The following NKAIN2 variants were observed in gnomAD, a reference collection of about 807,000 sequenced individuals.
NKAIN2 encodes the protein sodium/potassium-transporting ATPase subunit beta-1-interacting protein 2.
NKAIN2 carries 14 observed loss-of-function variants against 32.6 expected under a neutral mutation model. The observed-to-expected ratio is 0.43, with a 90% CI of 0.28 to 0.67. NKAIN2 has a LOEUF of 0.67. Ranked by LOEUF, NKAIN2 falls within the 30% of genes least tolerant of loss-of-function variation. NKAIN2 has a pLI of 0.17. For missense variants in NKAIN2, 198 were observed against 258.3 expected (o/e 0.77, Z 1.60); for synonymous variants, 80 against 87.2 (o/e 0.92, Z 0.46).
intron 1 of NKAIN2, among the ~76,000 whole-genome samples, chr6:124,073,938 G>A (rs1783575396): frequency 2.6e-5 from 4 of 152,090 alleles, no homozygotes; most frequent in African/African-American, 9.7e-5. Context: ...TGTATTTGGG[G>A]TCTCTACGAA....
intron 1 of NKAIN2, among the ~76,000 whole-genome samples, chr6:124,235,293 A>C (rs867580322): frequency 6.1e-4 from 93 of 152,194 alleles, no homozygotes; most frequent in African/African-American, 2.1e-3. Context: ...TACCTTCCAA[A>C]AGCTTTACAA....
At chr6:123,929,531 T>C (rs1217118686) in intron 1 of NKAIN2, among the ~76,000 whole-genome samples, 1 of 152,154 alleles carries the variant, frequency 6.6e-6, no homozygotes, top group Non-Finnish European at 1.5e-5. Context: ...TCTAACTTTT[T>C]GCATGTTCAT....
chr6:123,934,237 G>A (rs1459609142), intron 1 of NKAIN2, among the ~76,000 whole-genome samples: 5 of 151,928 alleles, frequency 3.3e-5, no homozygotes, highest in African/African-American at 1.2e-4. Flanking sequence ...TCTACTTTGA[G>A]CCCTTGCCTA....
chr6:124,658,052 A>G, intron 3 of NKAIN2, 134 bp from the exon 4 acceptor site: 1 of 642,078 alleles, frequency 1.6e-6, no homozygotes, highest in Non-Finnish European at 2.6e-6. Flanking sequence ...TTCCTGTAAA[A>G]TACAGCATGG....
intron 3 of NKAIN2, among the ~76,000 whole-genome samples, chr6:124,475,436 A>G (rs1260485514): frequency 1.3e-5 from 2 of 152,198 alleles, no homozygotes; most frequent in Non-Finnish European, 2.9e-5. Context: ...AACAAAACCC[A>G]AAGATGGAAA....
intron 1 of NKAIN2, among the ~76,000 whole-genome samples, chr6:123,813,847 C>A (rs1456846399): frequency 6.7e-6 from 1 of 148,760 alleles, no homozygotes; most frequent in Non-Finnish European, 1.5e-5. Flanking sequence ...ATATAAAGAG[C>A]TCTGGACCTT....
intron 1 of NKAIN2, among the ~76,000 whole-genome samples, chr6:124,104,810 G>A (rs1198294488): frequency 1.3e-5 from 2 of 151,950 alleles, no homozygotes; most frequent in African/African-American, 4.8e-5. Context: ...AGCCACGGGA[G>A]GTCACTGGCA....
At chr6:123,892,827 G>C (rs766521454) in intron 1 of NKAIN2, among the ~76,000 whole-genome samples, 1 of 151,664 alleles carries the variant, frequency 6.6e-6, no homozygotes, top group East Asian at 2.0e-4. Context: ...ACCCCAATCT[G>C]TATTCTTGTT....
chr6:124,158,121 T>C (rs1034935244), intron 1 of NKAIN2, among the ~76,000 whole-genome samples: 3 of 152,188 alleles, frequency 2.0e-5, no homozygotes, highest in African/African-American at 4.8e-5. Context: ...AACAATTTAT[T>C]TTCTCACAGT....
intron 1 of NKAIN2, among the ~76,000 whole-genome samples, chr6:123,841,041 G>A (rs1170053122): frequency 1.3e-5 from 2 of 152,076 alleles, no homozygotes; most frequent in Non-Finnish European, 2.9e-5. Context: ...ATGCAATGTA[G>A]ATCTGATACA....
rs374695848 is a variant in NKAIN2 at position 124,401,545 on chromosome 6, G to A, written c.273+46198G>A. ...AAATACTTACTCCTTGACACTTCACGGAAAAAGTTTACCAACCTCTGCTCT... is the reference window on the plus strand; with the variant it reads ...AAATACTTACTCCTTGACACTTCACAGAAAAAGTTTACCAACCTCTGCTCT... On this transcript the variant is annotated intron_variant, in intron 3 of 6. Transcript: ENST00000368417. Among the ~76,000 whole-genome samples the A allele has an allele frequency of 3.9e-5, 6 of 152,196 alleles. No individual in the cohort carries two copies. The East Asian group carries it at 7.7e-4, about 20-fold the overall frequency.
chr6:124,243,064 G>A (rs909146404), intron 1 of NKAIN2, among the ~76,000 whole-genome samples: 1 of 151,362 alleles, frequency 6.6e-6, no homozygotes, highest in African/African-American at 2.4e-5. Context: ...CAAGGGCGGA[G>A]TAAAAGGAGA....
intron 1 of NKAIN2, among the ~76,000 whole-genome samples, chr6:124,138,642 T>A (rs952974258): frequency 2.5e-5 from 3 of 120,764 alleles, no homozygotes; most frequent in Non-Finnish European, 5.0e-5. Context: ...ATAGGATAAT[T>A]ATTATTAATA....
chr6:124,283,309 G>A, intron 2 of NKAIN2, 167 bp downstream of exon 2: 1 of 536,480 alleles, frequency 1.9e-6, no homozygotes, highest in Non-Finnish European at 3.3e-6. Flanking sequence ...AACAGTAATT[G>A]AAAATGTCAG....
At position 124,001,800 on chromosome 6, in the gene NKAIN2, AATATATATATATAT is replaced by A. The variant is rs10567719; in HGVS notation, c.54+197565_54+197578del. ...AGAAAAAGAAGTTCTCTTAGTTCTAAATATATATATATATATATATATATATATATATGCAAGCA... is the reference window on the plus strand; with the variant it reads ...AGAAAAAGAAGTTCTCTTAGTTCTAAATATATATATATATATATGCAAGCA... On this transcript the variant is annotated intron_variant, in intron 1 of 6. Transcript: ENST00000368417. Among the ~76,000 whole-genome samples the A allele has an allele frequency of 8.1e-5, 11 of 135,126 alleles. No individual in the cohort carries two copies. In the South Asian group the frequency reaches 9.7e-4, roughly 12 times the overall value. The allele number at this position is 135,126 out of a possible 152,430, so 88.6% of individuals were successfully genotyped here.
intron 1 of NKAIN2, among the ~76,000 whole-genome samples, chr6:123,843,465 C>A (rs1186115835): frequency 6.6e-6 from 1 of 152,082 alleles, no homozygotes; most frequent in Admixed American, 6.5e-5. Flanking sequence ...CCACTCTGCC[C>A]CTTTGCCAGG....
At chr6:124,484,837 G>C (rs1325879797) in intron 3 of NKAIN2, among the ~76,000 whole-genome samples, 1 of 152,074 alleles carries the variant, frequency 6.6e-6, no homozygotes, top group Non-Finnish European at 1.5e-5. Flanking sequence ...ATGTGTGTAT[G>C]TCCTGTTGGG....
At chr6:124,766,040 T>C (rs1778500532) in intron 4 of NKAIN2, among the ~76,000 whole-genome samples, 1 of 152,222 alleles carries the variant, frequency 6.6e-6, no homozygotes, top group Admixed American at 6.5e-5. Context: ...TCTACACTTC[T>C]CCTTGGCTTT....
intron 1 of NKAIN2, among the ~76,000 whole-genome samples, chr6:123,911,811 A>ATATGTGTATATATATATATATG (rs1562253493): frequency 2.1e-5 from 2 of 96,644 alleles, no homozygotes; most frequent in African/African-American, 1.1e-4. Context: ...GTATATATAT[A>ATATGTGTATATATATATATATG]TACACACACA....
Sources: gnomAD v4.1 joint callset for allele counts (sites outside exome capture counted in the v4.1 genomes callset) on GRCh38, gnomAD v4.1.1 for gene constraint, MANE v1.5 for transcripts, NCBI Gene and HGNC (gene_info 2026-07-23, HGNC 2026-07-21) for gene names.